The following TIGD4 variants were observed in gnomAD, a reference collection of about 807,000 sequenced individuals.
TIGD4 encodes the protein tigger transposable element derived 4.
A neutral mutation model predicts 24.9 loss-of-function variants in TIGD4; 20 were observed. The ratio of observed to expected loss-of-function variants is 0.80; its 90% confidence interval spans 0.56 to 1.17. TIGD4 has a LOEUF of 1.17. Ranked by LOEUF, TIGD4 falls within the 50% of genes most tolerant of loss-of-function variation. The pLI is 0.00. For synonymous variants in TIGD4, 193 were observed against 211.0 expected (o/e 0.91, Z 0.74); for missense variants, 566 against 591.0 (o/e 0.96, Z 0.44).
intron 1 of TIGD4, among the ~76,000 whole-genome samples, chr4:152,774,207 T>C (rs1389940606): frequency 6.6e-6 from 1 of 152,196 alleles, no homozygotes; most frequent in Non-Finnish European, 1.5e-5. Flanking sequence ...AGTGACATAA[T>C]ATATACTATC....
Position 152,769,668 on chromosome 4 carries a change from G to T in TIGD4, c.1337C>A (p.Ser446Ter). 2 of 1,613,108 alleles carry T rather than the reference G, an allele frequency of 1.2e-6. No individual in the cohort carries two copies. The highest frequency in any genetic ancestry group is 8.5e-7 in the Non-Finnish European group (1 of 1,179,544). Residue 446 changes from serine to a stop codon, truncating the protein, a stop_gained, in exon 2 of 2, where the codon TCG (serine) becomes TAG (stop). Coordinates refer to ENST00000304337, the MANE Select transcript of TIGD4 (RefSeq NM_145720.4). LOFTEE classifies it high-confidence loss of function. ...GDSICTKESK[S>*]DETGFYTSDE... ...AGAAGTGTAAAATCCAGTTTCATCC[G>T]ATTTACTTTCTTTGGTGCATATGGA... is the stretch of plus-strand genomic sequence containing the variant.
chr4:152,775,872 G>C (rs1730251905), intron 1 of TIGD4, among the ~76,000 whole-genome samples: 1 of 152,150 alleles, frequency 6.6e-6, no homozygotes, highest in Non-Finnish European at 1.5e-5. Context: ...CATGTTCACA[G>C]GGAGAGGGAA....
Position 152,771,088 on chromosome 4 carries a change from T to A in TIGD4, c.-84A>T. On this transcript the variant is annotated 5_prime_UTR_variant, in exon 2 of 2. Transcript: ENST00000304337. The stretch of plus-strand genomic sequence containing the variant: ...ATTAAATTTGTTTTCCAGTATAATA[T>A]AGATTGCTGCTTTCTATCCTACTTT... 1 of 1,446,072 alleles carries A rather than the reference T, an allele frequency of 6.9e-7. No homozygotes were observed. The highest frequency in any genetic ancestry group is 9.1e-7 in the Non-Finnish European group (1 of 1,095,022). The allele number at this position is 1,446,072 out of a possible 1,614,324, so 89.6% of individuals were successfully genotyped here. A position where few individuals can be genotyped will look rare whatever the true frequency, so the allele number is the denominator to read the frequency against.
At chr4:152,772,322 C>G (rs1041779657) in intron 1 of TIGD4, among the ~76,000 whole-genome samples, 10 of 151,730 alleles carry the variant, frequency 6.6e-5, no homozygotes, top group African/African-American at 2.4e-4. Context: ...GTCTTAACGT[C>G]TCAGGTCTTC....
chr4:152,772,039 T>C (rs1730185100), intron 1 of TIGD4, among the ~76,000 whole-genome samples: 2 of 152,162 alleles, frequency 1.3e-5, no homozygotes, highest in African/African-American at 4.8e-5. Flanking sequence ...AAGTGACAAT[T>C]CTATTTAAAA....
chr4:152,770,923 C>A lies in TIGD4; in HGVS notation c.82G>T (p.Asp28Tyr), dbSNP rs200034910. ...CCACTTTCCACTGCATTTATGATGT[C>A]GATCTTTTCCTCAATGGATAGGCTT... The part of the protein sequence containing the change: ...KKSLSIEEKI[D>Y]IINAVESGKK... The change falls in exon 2 of 2, where the codon GAC becomes TAC. Residue 28 changes from aspartate (D) to tyrosine (Y), a missense_variant. Transcript: ENST00000304337. 6.2e-6 allele frequency: 10 copies of A among 1,613,738 alleles called. No individual in the cohort carries two copies. Among genetic ancestry groups the A allele is most frequent in the South Asian group, 1.1e-5 (1 of 91,016 alleles).
At chr4:152,774,917 A>AT (rs35363005) in intron 1 of TIGD4, among the ~76,000 whole-genome samples, 3,015 of 145,326 alleles carry the variant, frequency 0.021, 98 homozygotes, top group African/African-American at 0.072. Flanking sequence ...TATATCAAGG[A>AT]TTTTTTTTTT....
chr4:152,776,519 C>T (rs1424355690), intron 1 of TIGD4, among the ~76,000 whole-genome samples: 1 of 152,078 alleles, frequency 6.6e-6, no homozygotes, highest in Non-Finnish European at 1.5e-5. Flanking sequence ...AGTCACTCTC[C>T]TTTCATCAGT....
chr4:152,770,015 ATATTTGATTT>A lies in TIGD4; in HGVS notation c.980_989del (p.Lys327IlefsTer10). 1.9e-6 allele frequency: 3 copies of A among 1,610,738 alleles called. No individual in the cohort carries two copies. The highest frequency in any genetic ancestry group is 2.5e-6 in the Non-Finnish European group (3 of 1,177,742). Reference sequence around the variant, plus strand: ...AAAATTTCTTGATAAGACAGTGTCGATATTTGATTTTAAGGCTTTTAATAACACCTTGTTT... The same window carrying A: ...AAAATTTCTTGATAAGACAGTGTCGATAAGGCTTTTAATAACACCTTGTTT... On this transcript the variant is annotated frameshift_variant, in exon 2 of 2. Coordinates refer to ENST00000304337, the MANE Select transcript of TIGD4 (RefSeq NM_145720.4). LOFTEE classifies it low-confidence loss of function (END_TRUNC).
At chr4:152,771,779 A>G (rs1439483920) in intron 1 of TIGD4, among the ~76,000 whole-genome samples, 2 of 152,108 alleles carry the variant, frequency 1.3e-5, no homozygotes, top group Admixed American at 1.3e-4. Flanking sequence ...TTTATAATAT[A>G]TAGTTCTGAA....
rs945079288 is a variant in TIGD4, at chr4:152,771,526, T to C, written c.-522A>G. 1 of 165,626 alleles carries C rather than the reference T, an allele frequency of 6.0e-6. No individual in the cohort carries two copies. Among genetic ancestry groups the C allele is most frequent in the Non-Finnish European group, 1.5e-5 (1 of 68,108 alleles). 10.3% of individuals were successfully genotyped at this position (165,626 alleles called of 1,614,324 possible). A position where few individuals can be genotyped will look rare whatever the true frequency, so the allele number is the denominator to read the frequency against. ...AAAATGGTAGAATCCTTCTAGAACT[T>C]GCCAGTATATCTTCTTCTGTTGTTT... On this transcript the variant is annotated 5_prime_UTR_variant, in exon 2 of 2. Coordinates refer to ENST00000304337, the MANE Select transcript of TIGD4 (RefSeq NM_145720.4).
At chr4:152,774,634 T>G (rs1336773637) in intron 1 of TIGD4, among the ~76,000 whole-genome samples, 2 of 152,160 alleles carry the variant, frequency 1.3e-5, no homozygotes, top group Non-Finnish European at 2.9e-5. Context: ...AATCAGAAAA[T>G]AAGAATATGC....
rs755589006 is a variant in TIGD4, at chr4:152,771,031, CTCT to C, written c.-30_-28del. The stretch of plus-strand genomic sequence containing the variant: ...TCAGCCAGTGCTTATGTAGAGATTA[CTCT>C]TCTTAACTTCCTGGTGACTGTTTCT... On this transcript the variant is annotated 5_prime_UTR_variant, in exon 2 of 2. Transcript: ENST00000304337. 2.6e-6 allele frequency: 4 copies of C among 1,552,076 alleles called. No homozygotes were observed. Among genetic ancestry groups the C allele is most frequent in the Non-Finnish European group, 3.5e-6 (4 of 1,156,664 alleles).
In TIGD4 at chr4:152,769,923, A is replaced by G; in HGVS notation, c.1082T>C (p.Leu361Pro). Residue 361 changes from leucine (L) to proline (P), a missense_variant, in exon 2 of 2, where the codon CTT (leucine) becomes CCT (proline). Coordinates refer to ENST00000304337, the MANE Select transcript of TIGD4 (RefSeq NM_145720.4). ...SLLDAVDTLH[L>P]CWRAVTPETI... Reference sequence around the variant, plus strand: ...CTCTGGGGTTACAGCCCTCCAGCAAAGATGCAATGTATCAACTGCATCTAG... The same window carrying G: ...CTCTGGGGTTACAGCCCTCCAGCAAGGATGCAATGTATCAACTGCATCTAG... 1 of 1,613,724 alleles carries G rather than the reference A, an allele frequency of 6.2e-7. No homozygotes were observed. Among genetic ancestry groups the G allele is most frequent in the Non-Finnish European group, 8.5e-7 (1 of 1,179,638 alleles).
chr4:152,774,880 T>C (rs1321569961), intron 1 of TIGD4, among the ~76,000 whole-genome samples: 1 of 151,964 alleles, frequency 6.6e-6, no homozygotes, highest in Non-Finnish European at 1.5e-5. Context: ...ACCTTAAAAC[T>C]GTGTATAACG....
intron 1 of TIGD4, 50 bp from the exon 2 acceptor site, chr4:152,771,592 G>A (rs944888009): frequency 6.4e-6 from 1 of 156,724 alleles, no homozygotes; most frequent in Admixed American, 6.6e-5. Context: ...TATGTCAATT[G>A]AATATTAAAA....
In TIGD4 at chr4:152,776,017, A is replaced by G. The variant is rs144416053; in HGVS notation, c.-539+3465T>C. ...AAGGATTCATTCAATAAATTACAAA[A>G]TATCTACATGCTGAAATACTATTGT... On this transcript the variant is annotated intron_variant, in intron 1 of 1. Coordinates refer to ENST00000304337, the MANE Select transcript of TIGD4 (RefSeq NM_145720.4). Among the ~76,000 whole-genome samples the G allele has an allele frequency of 2.0e-5, 3 of 152,360 alleles. No homozygotes were observed. In the East Asian group the frequency reaches 5.8e-4, roughly 29 times the overall value.
At chr4:152,779,086 T>TG (rs1373406572) in intron 1 of TIGD4, among the ~76,000 whole-genome samples, 2 of 152,090 alleles carry the variant, frequency 1.3e-5, no homozygotes, top group Non-Finnish European at 2.9e-5. Flanking sequence ...GCTCTGGGGA[T>TG]GGGGAGAGTA....
At chr4:152,771,929 ACATACT>A (rs1730183124) in intron 1 of TIGD4, among the ~76,000 whole-genome samples, 1 of 152,184 alleles carries the variant, frequency 6.6e-6, no homozygotes, top group African/African-American at 2.4e-5. Context: ...CCAAAAGAAA[ACATACT>A]CAGACAGTAG....
Sources: gnomAD v4.1 joint callset for allele counts (sites outside exome capture counted in the v4.1 genomes callset) on GRCh38, gnomAD v4.1.1 for gene constraint, MANE v1.5 for transcripts, NCBI Gene and HGNC (gene_info 2026-07-23, HGNC 2026-07-21) for gene names.